The following GCFC2 variants were observed in gnomAD, a reference collection of about 807,000 sequenced individuals.
The protein encoded by GCFC2 is GC-rich sequence DNA-binding factor 2.
GCFC2 carries 102 observed loss-of-function variants against 99.4 expected under a neutral mutation model. The ratio of observed to expected loss-of-function variants is 1.03; its 90% confidence interval spans 0.87 to 1.21. The LOEUF (loss-of-function observed/expected upper bound fraction) is 1.21. Among genes scored for constraint, GCFC2 ranks in the 50% most tolerant of loss-of-function variants. GCFC2 has a pLI of 0.00. For missense variants in GCFC2, 973 were observed against 920.9 expected (o/e 1.06, Z -0.73); for synonymous variants, 338 against 316.8 (o/e 1.07, Z -0.71).
At chr2:75,674,490 G>A (rs1679255902) in intron 12 of GCFC2, among the ~76,000 whole-genome samples, 1 of 151,800 alleles carries the variant, frequency 6.6e-6, no homozygotes, top group Admixed American at 6.6e-5. Context: ...TGCCTATTAG[G>A]ATTATAACTT....
At chr2:75,683,771 C>CA (rs749580096) in intron 11 of GCFC2, among the ~76,000 whole-genome samples, 4,999 of 60,278 alleles carry the variant, frequency 0.083, 437 homozygotes, top group African/African-American at 0.27. Context: ...AAATGGAAAG[C>CA]AAAAAAAAAA....
At chr2:75,711,258 A>G, upstream of GCFC2, 3 of 968,964 alleles carry the variant, frequency 3.1e-6, no homozygotes, top group Non-Finnish European at 3.7e-6. Context: ...TTCTGGAGAG[A>G]GTGCCCCCTC....
chr2:75,693,640 T>A (rs17690622), intron 6 of GCFC2, among the ~76,000 whole-genome samples: 2 of 151,762 alleles, frequency 1.3e-5, no homozygotes, highest in African/African-American at 4.8e-5. Context: ...ACAAACAAAT[T>A]CAAAAGACAA....
Position 75,701,174 on chromosome 2 carries a change from G to T in GCFC2, c.717+16C>A, listed in dbSNP as rs6547019. ...AGCCACAGGAATCTAATACACATGG[G>T]ATAAAAAATGATTACCTCTATGATT... On this transcript the variant is annotated intron_variant, in intron 4 of 16. Transcript: ENST00000321027. 0.42 allele frequency: 543,828 copies of T among 1,294,420 alleles called. 119,270 individuals are homozygous for T. The highest frequency in any genetic ancestry group is 0.73 in the African/African-American group (50,206 of 68,490). The allele number at this position is 1,294,420 out of a possible 1,614,324, so 80.2% of individuals were successfully genotyped here. A position where few individuals can be genotyped will look rare whatever the true frequency, so the allele number is the denominator to read the frequency against.
In GCFC2 at chr2:75,666,530, T is replaced by A. The variant is rs565099933; in HGVS notation, c.2104-477A>T. On this transcript the variant is annotated intron_variant, in intron 15 of 16. Coordinates refer to ENST00000321027, the MANE Select transcript of GCFC2 (RefSeq NM_003203.5). Reference sequence around the variant, plus strand: ...ATGAAAGATAAATTAATTATGTTTTTAATCTTCTATCAGTGTAATACATTG... The same window carrying A: ...ATGAAAGATAAATTAATTATGTTTTAAATCTTCTATCAGTGTAATACATTG... Among the ~76,000 whole-genome samples the A allele has an allele frequency of 2.6e-5, 4 of 152,300 alleles. No individual in the cohort carries two copies. The South Asian group carries it at 8.3e-4, about 32-fold the overall frequency.
intron 11 of GCFC2, among the ~76,000 whole-genome samples, chr2:75,687,551 T>C (rs1679874758): frequency 6.6e-6 from 1 of 152,054 alleles, no homozygotes; most frequent in African/African-American, 2.4e-5. Flanking sequence ...AGACAGTGTT[T>C]CTAGGAAGAA....
chr2:75,702,456 CA>C (rs767007537), intron 2 of GCFC2, 33 bp from the exon 3 acceptor site: 5 of 1,561,466 alleles, frequency 3.2e-6, no homozygotes, highest in Non-Finnish European at 4.4e-6. Context: ...CACTAAAAAC[CA>C]AAGACCAATG....
At chr2:75,669,936 G>A (rs1461302113) in intron 15 of GCFC2, 2 of 363,608 alleles carry the variant, frequency 5.5e-6, no homozygotes, top group Non-Finnish European at 1.0e-5. Context: ...TGTTGGTGAG[G>A]CTGGTCTCAA....
chr2:75,667,643 G>A (rs1363539553), intron 15 of GCFC2, among the ~76,000 whole-genome samples: 2 of 152,098 alleles, frequency 1.3e-5, no homozygotes, highest in Non-Finnish European at 2.9e-5. Flanking sequence ...ATTTGCACTT[G>A]TTTTCCCCTT....
chr2:75,681,154 G>C (rs1304514780), intron 11 of GCFC2, among the ~76,000 whole-genome samples: 1 of 152,158 alleles, frequency 6.6e-6, no homozygotes, highest in Admixed American at 6.5e-5. Flanking sequence ...GGCCGAATAG[G>C]AACAGCTCCA....
intron 12 of GCFC2, among the ~76,000 whole-genome samples, chr2:75,678,799 T>TGTG (rs1192645533): frequency 6.6e-6 from 1 of 152,204 alleles, no homozygotes; most frequent in Admixed American, 6.5e-5. Flanking sequence ...CAGGCTGCAG[T>TGTG]GTGGTGGCAC....
At chr2:75,680,630 A>T (rs1452616408) in intron 11 of GCFC2, among the ~76,000 whole-genome samples, 1 of 152,032 alleles carries the variant, frequency 6.6e-6, no homozygotes, top group East Asian at 1.9e-4. Context: ...AACTTGAGTG[A>T]GCCTCTCTCT....
chr2:75,699,427 T>G (rs1680474217), intron 4 of GCFC2, among the ~76,000 whole-genome samples: 1 of 152,236 alleles, frequency 6.6e-6, no homozygotes, highest in Non-Finnish European at 1.5e-5. Flanking sequence ...GAATCTCTGA[T>G]GTACACTATG....
chr2:75,696,673 C>G (rs1473729043), intron 4 of GCFC2, among the ~76,000 whole-genome samples: 3 of 152,168 alleles, frequency 2.0e-5, no homozygotes, highest in African/African-American at 7.2e-5. Flanking sequence ...TGACCTAACA[C>G]CTATTTCCAT....
At chr2:75,710,978 T>C (rs1398148374), upstream of GCFC2, 12 of 1,365,488 alleles carry the variant, frequency 8.8e-6, no homozygotes, top group Non-Finnish European at 1.1e-5. Flanking sequence ...CCGTCCCGCC[T>C]GCCTTCTGCT....
intron 4 of GCFC2, chr2:75,698,059 A>G (rs1212378982): frequency 6.6e-6 from 1 of 152,270 alleles, no homozygotes; most frequent in East Asian, 1.9e-4. Flanking sequence ...GGCAAATGGT[A>G]GATTTTCAAT....
chr2:75,688,817 C>T, intron 10 of GCFC2, among the ~76,000 whole-genome samples: 1 of 152,090 alleles, frequency 6.6e-6, no homozygotes, highest in East Asian at 1.9e-4. Flanking sequence ...GTTTGCTTTA[C>T]TGATGTTAAT....
chr2:75,712,558 A>G (rs1020610755), upstream of GCFC2, among the ~76,000 whole-genome samples: 3 of 152,192 alleles, frequency 2.0e-5, no homozygotes, highest in Non-Finnish European at 4.4e-5. Context: ...TGCCCCAGCC[A>G]GCAGTGGCAA....
Position 75,674,140 on chromosome 2 carries a change from T to C in GCFC2, c.1813-620A>G, listed in dbSNP as rs73936778. ...ATCTTTTCATATTCCTATTTGCCAC[T>C]TGGCAAGCCGTTTTGCAAAGTACCT... On this transcript the variant is annotated intron_variant, in intron 12 of 16. Coordinates refer to ENST00000321027, the MANE Select transcript of GCFC2 (RefSeq NM_003203.5). Among the ~76,000 whole-genome samples the C allele has an allele frequency of 7.0e-3, 1,063 of 152,374 alleles. 8 individuals carry two copies. The highest frequency in any genetic ancestry group is 0.024 in the African/African-American group (1,016 of 41,598).
Sources: allele counts gnomAD v4.1 joint callset (sites outside exome capture counted in the v4.1 genomes callset), GRCh38; gene constraint gnomAD v4.1.1; transcripts MANE v1.5; gene names NCBI Gene and HGNC (gene_info 2026-07-23, HGNC 2026-07-21).